Variants in TMEM132D observed in about 807,000 individuals in gnomAD.
TMEM132D encodes transmembrane protein 132D.
In TMEM132D, 21 loss-of-function variants were observed where a neutral mutation model predicts 62.3. That is an observed-to-expected ratio of 0.34 (90% CI 0.24 to 0.49). The LOEUF (loss-of-function observed/expected upper bound fraction) is 0.49. Ranked by LOEUF, TMEM132D falls within the 20% of genes least tolerant of loss-of-function variation. TMEM132D has a pLI of 0.99. For synonymous variants in TMEM132D, 621 were observed against 575.6 expected, an observed-to-expected ratio of 1.08 and a Z score of -1.13; for missense variants, 1,346 against 1,402.8, an observed-to-expected ratio of 0.96 and a Z score of 0.65.
intron 5 of TMEM132D, among the ~76,000 whole-genome samples, chr12:129,166,329 C>T (rs1158902042): frequency 1.3e-5 from 2 of 152,112 alleles, no homozygotes; most frequent in African/African-American, 4.8e-5. Context: ...ACATATGTTT[C>T]GTCTCCGGCT....
intron 2 of TMEM132D, among the ~76,000 whole-genome samples, chr12:129,623,064 G>A (rs1371497302): frequency 1.3e-5 from 2 of 152,162 alleles, no homozygotes; most frequent in Non-Finnish European, 2.9e-5. Flanking sequence ...AGGGGAGAGA[G>A]AGATGGAGAG....
At chr12:129,078,359 G>T (rs1874345534) in intron 8 of TMEM132D, among the ~76,000 whole-genome samples, 175 bp downstream of exon 8, 1 of 152,202 alleles carries the variant, frequency 6.6e-6, no homozygotes, top group African/African-American at 2.4e-5. Context: ...GGGGAGCTGG[G>T]AAACATGAGG....
intron 2 of TMEM132D, among the ~76,000 whole-genome samples, chr12:129,674,098 C>A (rs947269161): frequency 6.6e-6 from 1 of 152,186 alleles, no homozygotes; most frequent in Non-Finnish European, 1.5e-5. Context: ...CTTGAGTTTT[C>A]TTTGCTGTAA....
chr12:129,513,577 C>T (rs1324771007), intron 3 of TMEM132D, among the ~76,000 whole-genome samples: 10 of 151,648 alleles, frequency 6.6e-5, no homozygotes, highest in East Asian at 3.9e-4. Flanking sequence ...CTTCGCCTCC[C>T]GGGTTCACGC....
chr12:129,584,735 A>C (rs2137129646), intron 2 of TMEM132D, among the ~76,000 whole-genome samples: 1 of 152,350 alleles, frequency 6.6e-6, no homozygotes, highest in East Asian at 1.9e-4. Flanking sequence ...ATTATTTGAA[A>C]GGACATTCTT....
At chr12:129,333,635 T>C (rs1043306277) in intron 4 of TMEM132D, among the ~76,000 whole-genome samples, 5 of 152,196 alleles carry the variant, frequency 3.3e-5, no homozygotes, top group Non-Finnish European at 5.9e-5. Context: ...CATTTCTCCA[T>C]GTGCACTCCC....
chr12:129,488,484 G>T (rs1874657001), intron 3 of TMEM132D, among the ~76,000 whole-genome samples: 1 of 152,028 alleles, frequency 6.6e-6, no homozygotes, highest in South Asian at 2.1e-4. Context: ...ACCAGCCTGG[G>T]CAACATGACA....
At chr12:129,391,170 G>A (rs779886452) in intron 3 of TMEM132D, among the ~76,000 whole-genome samples, 8 of 152,060 alleles carry the variant, frequency 5.3e-5, no homozygotes, top group African/African-American at 9.7e-5. Flanking sequence ...AAGTGAGCTC[G>A]TTCATTCCCC....
intron 1 of TMEM132D, among the ~76,000 whole-genome samples, chr12:129,803,807 A>T (rs1290361215): frequency 6.6e-6 from 1 of 151,252 alleles, no homozygotes; most frequent in Non-Finnish European, 1.5e-5. Flanking sequence ...ACTAATAAAG[A>T]AAAAAAGAGA....
At chr12:129,649,936 ATGTG>A (rs200413321) in intron 2 of TMEM132D, among the ~76,000 whole-genome samples, 8 of 149,798 alleles carry the variant, frequency 5.3e-5, no homozygotes, top group Admixed American at 2.7e-4. Flanking sequence ...ATGTTTATGT[ATGTG>A]TGTGTGTGTG....
At chr12:129,552,951 C>A (rs542085842) in intron 2 of TMEM132D, among the ~76,000 whole-genome samples, 1 of 152,166 alleles carries the variant, frequency 6.6e-6, no homozygotes, top group Non-Finnish European at 1.5e-5. Flanking sequence ...CATTTAAGGT[C>A]ATCCACGGTC....
chr12:129,187,062 T>G (rs1280671684), intron 5 of TMEM132D, among the ~76,000 whole-genome samples: 1 of 152,212 alleles, frequency 6.6e-6, no homozygotes, highest in Non-Finnish European at 1.5e-5. Context: ...CAAGAGTATC[T>G]GTGTTCTACT....
chr12:129,410,493 G>C (rs1176231144), intron 3 of TMEM132D, among the ~76,000 whole-genome samples: 2 of 152,034 alleles, frequency 1.3e-5, no homozygotes, highest in Non-Finnish European at 2.9e-5. Context: ...CCAAATAGCT[G>C]GGATTACAGG....
chr12:129,462,849 TA>T (rs1873726352), intron 3 of TMEM132D, among the ~76,000 whole-genome samples: 1 of 152,174 alleles, frequency 6.6e-6, no homozygotes, highest in Admixed American at 6.6e-5. Context: ...GCCTTTCAAG[TA>T]ATAAGACTTG....
intron 2 of TMEM132D, among the ~76,000 whole-genome samples, chr12:129,655,067 C>G (rs973601260): frequency 5.3e-5 from 8 of 151,986 alleles, no homozygotes; most frequent in Non-Finnish European, 5.9e-5. Context: ...CCTGCCTCAG[C>G]CTCCACAGTA....
chr12:129,506,879 G>A (rs1428967219), intron 3 of TMEM132D, among the ~76,000 whole-genome samples: 1 of 152,086 alleles, frequency 6.6e-6, no homozygotes, highest in East Asian at 1.9e-4. Flanking sequence ...TAAACTAAAG[G>A]CTTTTGCACA....
intron 4 of TMEM132D, among the ~76,000 whole-genome samples, chr12:129,326,860 A>G (rs1868930439): frequency 6.6e-6 from 1 of 152,242 alleles, no homozygotes; most frequent in South Asian, 2.1e-4. Context: ...TAAACTATAA[A>G]TAAAAGAAAA....
intron 5 of TMEM132D, among the ~76,000 whole-genome samples, chr12:129,095,771 G>A (rs1462467873): frequency 2.0e-5 from 3 of 152,142 alleles, no homozygotes; most frequent in East Asian, 3.9e-4. Context: ...CCCCAGGCCA[G>A]GGAGAAACCA....
At chr12:129,359,574 A>G (rs900522890) in intron 3 of TMEM132D, among the ~76,000 whole-genome samples, 6 of 152,374 alleles carry the variant, frequency 3.9e-5, no homozygotes, top group Admixed American at 1.3e-4. Context: ...CAGCATAAAA[A>G]GTATATGGCT....
Sources: allele counts gnomAD v4.1 joint callset (sites outside exome capture counted in the v4.1 genomes callset), GRCh38; gene constraint gnomAD v4.1.1; transcripts MANE v1.5; gene names NCBI Gene and HGNC (gene_info 2026-07-23, HGNC 2026-07-21).